Variants in ARHGAP42 observed in about 807,000 individuals in gnomAD.
ARHGAP42 encodes rho GTPase-activating protein 42.
ARHGAP42 carries 63 observed loss-of-function variants against 125.0 expected under a neutral mutation model. The observed-to-expected ratio is 0.50, with a 90% CI of 0.41 to 0.62. The LOEUF is 0.62. Ranked by LOEUF, ARHGAP42 falls within the 20% of genes least tolerant of loss-of-function variation. The probability of loss-of-function intolerance (pLI) is 0.00; values close to 1 mark genes in which losing one functional copy is unlikely to be tolerated. For synonymous variants in ARHGAP42, 339 were observed against 351.0 expected, an observed-to-expected ratio of 0.97 and a Z score of 0.38; for missense variants, 766 against 1,024.2, an observed-to-expected ratio of 0.75 and a Z score of 3.44.
At chr11:100,763,653 C>A (rs944685852) in intron 1 of ARHGAP42, among the ~76,000 whole-genome samples, 4 of 151,972 alleles carry the variant, frequency 2.6e-5, no homozygotes, top group African/African-American at 9.7e-5. Context: ...CTGCACCCAG[C>A]TAATTTTTGT....
At chr11:100,692,245 T>C (rs1413769463) in intron 1 of ARHGAP42, among the ~76,000 whole-genome samples, 3 of 152,076 alleles carry the variant, frequency 2.0e-5, no homozygotes, top group African/African-American at 7.3e-5. Context: ...TAATGGACTC[T>C]TGTATACATT....
At chr11:100,935,675 C>CAGAG (rs200179371) in intron 7 of ARHGAP42, among the ~76,000 whole-genome samples, 59 of 104,914 alleles carry the variant, frequency 5.6e-4, no homozygotes, top group African/African-American at 1.5e-3. Context: ...CACACACACA[C>CAGAG]ACAGAGAGAG....
At chr11:100,719,717 G>T (rs7944469) in intron 1 of ARHGAP42, among the ~76,000 whole-genome samples, 44,298 of 151,748 alleles carry the variant, frequency 0.29, 6,783 homozygotes, top group African/African-American at 0.36. Context: ...GGTAAAATGA[G>T]CAGCAAAAGG....
Position 100,882,228 on chromosome 11 carries a change from T to A in ARHGAP42, c.384+22603T>A, listed in dbSNP as rs918668786. On this transcript the variant is annotated intron_variant, in intron 4 of 23. Transcript: ENST00000298815. ...TGTTCAGTATTATGGTGGCTGTGGGTTTGTCATAGATGGCTTTTATTACGT... is the reference window on the plus strand; with the variant it reads ...TGTTCAGTATTATGGTGGCTGTGGGATTGTCATAGATGGCTTTTATTACGT... 4.8e-4 allele frequency among the ~76,000 whole-genome samples: 73 copies of A among 152,202 alleles called. 1 individual carries two copies. Among genetic ancestry groups the A allele is most frequent in the Admixed American group, 4.8e-3 (73 of 15,286 alleles).
Position 100,762,054 on chromosome 11 carries a change from T to C in ARHGAP42, c.155-8289T>C, listed in dbSNP as rs542791041. ...CGTAGTCTGTGACATAAAAGAATGATTGTTTCTAATCAAAGGACTTCTTTC... is the reference window on the plus strand; with the variant it reads ...CGTAGTCTGTGACATAAAAGAATGACTGTTTCTAATCAAAGGACTTCTTTC... On this transcript the variant is annotated intron_variant, in intron 1 of 23. Coordinates refer to ENST00000298815, the MANE Select transcript of ARHGAP42 (RefSeq NM_152432.4). Among the ~76,000 whole-genome samples, 24 of 152,330 alleles carry C rather than the reference T, an allele frequency of 1.6e-4. No individual in the cohort carries two copies. In the South Asian group the frequency reaches 5.0e-3, roughly 32 times the overall value.
chr11:100,739,815 T>C (rs604723), intron 1 of ARHGAP42, among the ~76,000 whole-genome samples: 116,759 of 151,976 alleles, frequency 0.77, 46,077 homozygotes, highest in African/African-American at 0.95. Flanking sequence ...CAAGGGTTCC[T>C]TACTTAGAAA....
chr11:100,833,362 A>G (rs576673886), intron 3 of ARHGAP42, among the ~76,000 whole-genome samples: 5 of 152,328 alleles, frequency 3.3e-5, no homozygotes, highest in African/African-American at 4.8e-5. Context: ...TGGTTTTCCA[A>G]TGCTGTATAA....
intron 10 of ARHGAP42, among the ~76,000 whole-genome samples, chr11:100,946,833 C>T (rs748072425): frequency 5.3e-5 from 8 of 151,942 alleles, no homozygotes; most frequent in African/African-American, 1.2e-4. Context: ...TGTGAGCAAA[C>T]GCTCTTGGAA....
At chr11:100,757,601 G>C (rs927489542) in intron 1 of ARHGAP42, among the ~76,000 whole-genome samples, 2 of 152,048 alleles carry the variant, frequency 1.3e-5, no homozygotes. Flanking sequence ...CTTAAAAATG[G>C]GGTGGCTCTA....
At position 100,897,657 on chromosome 11, in the gene ARHGAP42, A is replaced by G. The variant is rs554837021; in HGVS notation, c.385-15795A>G. ...CTCTCTGTTTGTCTGTAATTGGTGT[A>G]TAGGAATGCTTGTGATTTTTGCACA... On this transcript the variant is annotated intron_variant, in intron 4 of 23. Transcript: ENST00000298815. Among the ~76,000 whole-genome samples the G allele has an allele frequency of 1.8e-4, 27 of 152,270 alleles. No homozygotes were observed. The South Asian group carries it at 3.7e-3, about 21-fold the overall frequency.
intron 3 of ARHGAP42, among the ~76,000 whole-genome samples, chr11:100,806,602 A>AT (rs1555002555): frequency 4.1e-4 from 62 of 151,950 alleles, no homozygotes; most frequent in Non-Finnish European, 7.1e-4. Flanking sequence ...AAATTAAAAA[A>AT]AATAATAATA....
At position 100,980,559 on chromosome 11, in the gene ARHGAP42, C is replaced by CTTTTTTTTTT. The variant is rs763302463; in HGVS notation, c.2456+1531_2456+1540dup. ...TCAAATCATACTTCTTTTTCTTCTT[C>CTTTTTTTTTT]TTTTTTTTTTTTTTTTTTTTTTTTT... On this transcript the variant is annotated intron_variant, in intron 22 of 23. Coordinates refer to ENST00000298815, the MANE Select transcript of ARHGAP42 (RefSeq NM_152432.4). 4.5e-3 allele frequency among the ~76,000 whole-genome samples: 235 copies of CTTTTTTTTTT among 51,948 alleles called. 13 individuals carry two copies. Among genetic ancestry groups the CTTTTTTTTTT allele is most frequent in the Admixed American group, 6.9e-3 (20 of 2,888 alleles). The allele number at this position is 51,948 out of a possible 152,430, so 34.1% of individuals were successfully genotyped here. A position where few individuals can be genotyped will look rare whatever the true frequency, so the allele number is the denominator to read the frequency against.
At chr11:100,791,909 G>A (rs928612003) in intron 2 of ARHGAP42, among the ~76,000 whole-genome samples, 1 of 152,144 alleles carries the variant, frequency 6.6e-6, no homozygotes. Context: ...AAGTAAAATA[G>A]AAAACAGTAT....
At chr11:100,882,576 C>A (rs902216444) in intron 4 of ARHGAP42, among the ~76,000 whole-genome samples, 3 of 150,310 alleles carry the variant, frequency 2.0e-5, no homozygotes, top group African/African-American at 4.9e-5. Context: ...TTGGTTTTTT[C>A]CTTTCCTGGT....
At chr11:100,879,970 A>G (rs1209070006) in intron 4 of ARHGAP42, among the ~76,000 whole-genome samples, 2 of 152,208 alleles carry the variant, frequency 1.3e-5, no homozygotes, top group African/African-American at 4.8e-5. Flanking sequence ...CACAGCCTCA[A>G]GCTGGTTTAT....
At chr11:100,764,256 C>T (rs1487223663) in intron 1 of ARHGAP42, among the ~76,000 whole-genome samples, 3 of 151,542 alleles carry the variant, frequency 2.0e-5, no homozygotes, top group Admixed American at 2.0e-4. Context: ...ACTCTTGGCT[C>T]CAAGTGATCC....
intron 18 of ARHGAP42, among the ~76,000 whole-genome samples, chr11:100,973,914 C>A (rs905338067): frequency 3.9e-5 from 6 of 152,174 alleles, no homozygotes; most frequent in African/African-American, 1.4e-4. Context: ...CTTCTCCTCC[C>A]CTGGGTCCCT....
At chr11:100,925,769 T>C (rs769737116) in intron 6 of ARHGAP42, among the ~76,000 whole-genome samples, 13 of 152,170 alleles carry the variant, frequency 8.5e-5, no homozygotes, top group Admixed American at 2.6e-4. Flanking sequence ...ATATATTTAC[T>C]AGTAAATTAC....
chr11:100,785,189 T>A (rs1460762557), intron 2 of ARHGAP42, among the ~76,000 whole-genome samples: 4 of 151,216 alleles, frequency 2.6e-5, no homozygotes, highest in South Asian at 2.1e-4. Context: ...TACTGTGGAG[T>A]TGTTAGCTTT....
Sources: allele counts gnomAD v4.1 joint callset (sites outside exome capture counted in the v4.1 genomes callset), GRCh38; gene constraint gnomAD v4.1.1; transcripts MANE v1.5; gene names NCBI Gene and HGNC (gene_info 2026-07-23, HGNC 2026-07-21).